FAT3: variants seen among roughly 807,000 people sequenced by gnomAD.
The protein encoded by FAT3 is FAT atypical cadherin 3.
In FAT3, 95 loss-of-function variants were observed where a neutral mutation model predicts 310.2. That is an observed-to-expected ratio of 0.31 (90% CI 0.26 to 0.36). FAT3 has a LOEUF of 0.36. FAT3 is among the 10% of genes least tolerant of loss of function. The pLI is 1.00. For synonymous variants in FAT3, 2,314 were observed against 2,192.9 expected, an observed-to-expected ratio of 1.06 and a Z score of -1.54; for missense variants, 5,408 against 5,715.6, an observed-to-expected ratio of 0.95 and a Z score of 1.74.
At chr11:92,687,162 T>A (rs776889947) in intron 3 of FAT3, among the ~76,000 whole-genome samples, 1 of 152,196 alleles carries the variant, frequency 6.6e-6, no homozygotes, top group Non-Finnish European at 1.5e-5. Context: ...GTAGATACTG[T>A]GCCTGCTTTT....
intron 1 of FAT3, among the ~76,000 whole-genome samples, chr11:92,312,423 A>C (rs1947331436): frequency 6.6e-6 from 1 of 152,166 alleles, no homozygotes; most frequent in Admixed American, 6.5e-5. Context: ...ATTAAGGAAA[A>C]TGGGGCTTCT....
intron 2 of FAT3, among the ~76,000 whole-genome samples, chr11:92,467,116 A>G (rs1311306202): frequency 6.6e-6 from 1 of 152,100 alleles, no homozygotes; most frequent in African/African-American, 2.4e-5. Context: ...TGGCTGGGTC[A>G]AATGGTATTT....
intron 4 of FAT3, among the ~76,000 whole-genome samples, chr11:92,751,165 C>A (rs1945818308): frequency 6.6e-6 from 1 of 152,180 alleles, no homozygotes; most frequent in Admixed American, 6.5e-5. Context: ...GTGGGGCAAG[C>A]ATTTAGATGA....
intron 2 of FAT3, among the ~76,000 whole-genome samples, chr11:92,407,859 A>G (rs1490959726): frequency 1.3e-5 from 2 of 152,116 alleles, no homozygotes; most frequent in African/African-American, 4.8e-5. Flanking sequence ...ATTCATATGG[A>G]TGTCACTAAT....
At chr11:92,824,411 C>G (rs1948051454) in intron 13 of FAT3, among the ~76,000 whole-genome samples, 1 of 152,066 alleles carries the variant, frequency 6.6e-6, no homozygotes, top group Admixed American at 6.5e-5. Flanking sequence ...CTTTAAATAA[C>G]TTTATAATGA....
At chr11:92,872,919 T>C (rs1184450139) in intron 22 of FAT3, among the ~76,000 whole-genome samples, 1 of 152,196 alleles carries the variant, frequency 6.6e-6, no homozygotes, top group Non-Finnish European at 1.5e-5. Flanking sequence ...TCTCACATGA[T>C]AACCTATCCA....
At position 92,733,448 on chromosome 11, in the gene FAT3, C is replaced by T. The variant is rs536899545; in HGVS notation, c.3670-28408C>T. 2.6e-5 allele frequency among the ~76,000 whole-genome samples: 4 copies of T among 151,932 alleles called. No individual in the cohort carries two copies. In the South Asian group the frequency reaches 8.3e-4, roughly 32 times the overall value. On this transcript the variant is annotated intron_variant, in intron 4 of 27. Coordinates refer to ENST00000525166, the MANE Select transcript of FAT3 (RefSeq NM_001367949.2). ...GTTTTAGCACCATGTGTACAATGTC[C>T]TAGATGAGGAAAAGACTTGAGGCTT...
intron 2 of FAT3, among the ~76,000 whole-genome samples, chr11:92,506,402 C>A (rs776830855): frequency 6.6e-6 from 1 of 152,108 alleles, no homozygotes; most frequent in Non-Finnish European, 1.5e-5. Flanking sequence ...GGAATACCTC[C>A]ACAATACCAT....
At chr11:92,567,421 C>G (rs1266222345) in intron 3 of FAT3, among the ~76,000 whole-genome samples, 1 of 149,506 alleles carries the variant, frequency 6.7e-6, no homozygotes, top group Non-Finnish European at 1.5e-5. Flanking sequence ...AATAGGAACA[C>G]TTTTACACTG....
intron 11 of FAT3, 94 bp from the exon 12 acceptor site, chr11:92,806,268 A>G: frequency 8.8e-7 from 1 of 1,136,510 alleles, no homozygotes; most frequent in Non-Finnish European, 1.2e-6. Context: ...AAATTATATA[A>G]ATGAATTTTT....
intron 1 of FAT3, among the ~76,000 whole-genome samples, chr11:92,286,780 G>A (rs564447227): frequency 1.3e-5 from 2 of 152,292 alleles, no homozygotes; most frequent in South Asian, 4.1e-4. Context: ...AGAGAAAAGC[G>A]ACTCCTGGTA....
In FAT3 at chr11:92,354,272, A is replaced by T. The variant is rs567803449; in HGVS notation, c.2160A>T (p.Arg720Ser). ...DGFLDFYSIN[R>S]QGPYFDKSFP... ...TTCTTGACTTTTATTCAATTAATAG[A>T]CAGGGACCATATTTTGACAAGTCTT... Residue 720 changes from arginine (R) to serine (S), a missense_variant, in exon 2 of 28, where the codon AGA becomes AGT. Physicochemically the swap from Arg to Ser is moderately radical, Grantham distance 110. Around this residue, in one of 5 missense-constraint regions of FAT3, gnomAD observed 4,588 missense variants for 4,809.8 expected, o/e 0.95. Transcript: ENST00000525166. The T allele has an allele frequency of 8.1e-6, 13 of 1,613,742 alleles. No homozygotes were observed. The highest frequency in any genetic ancestry group is 4.5e-5 in the East Asian group (2 of 44,872).
In FAT3 at chr11:92,462,372, T is replaced by G. The variant is rs575107470; in HGVS notation, c.3293-62262T>G. On this transcript the variant is annotated intron_variant, in intron 2 of 27. Coordinates refer to ENST00000525166, the MANE Select transcript of FAT3 (RefSeq NM_001367949.2). ...GGTATCTATCGTTCCCTTCTCTGTG[T>G]CCATGTGTACTCGCTGTTTTGCTCC... 5.3e-5 allele frequency among the ~76,000 whole-genome samples: 8 copies of G among 152,272 alleles called. No homozygotes were observed. In the East Asian group the frequency reaches 1.5e-3, roughly 29 times the overall value.
intron 2 of FAT3, among the ~76,000 whole-genome samples, chr11:92,506,796 A>G (rs1479456537): frequency 1.3e-5 from 2 of 152,192 alleles, no homozygotes; most frequent in African/African-American, 4.8e-5. Context: ...AATTTGTTCT[A>G]AAACTAACAT....
chr11:92,696,120 CCA>C (rs202120449), intron 3 of FAT3, among the ~76,000 whole-genome samples: 20 of 114,562 alleles, frequency 1.7e-4, no homozygotes, highest in African/African-American at 5.3e-4. Flanking sequence ...TATATATATA[CCA>C]TGTGTATATA....
chr11:92,666,662 G>A (rs1942964777), intron 3 of FAT3, among the ~76,000 whole-genome samples: 1 of 151,966 alleles, frequency 6.6e-6, no homozygotes, highest in Non-Finnish European at 1.5e-5. Flanking sequence ...GCCCAGCATT[G>A]AAGGACATTT....
chr11:92,530,294 T>C (rs1023745709), intron 3 of FAT3, among the ~76,000 whole-genome samples: 6 of 152,092 alleles, frequency 3.9e-5, no homozygotes, highest in Non-Finnish European at 8.8e-5. Context: ...AACAAGTTTC[T>C]AGGTGATGAT....
At chr11:92,366,898 G>A in intron 2 of FAT3, 1 of 533,490 alleles carries the variant, frequency 1.9e-6, no homozygotes. Flanking sequence ...GGACATCACA[G>A]GTGCACCTCC....
chr11:92,564,711 T>G lies in FAT3; in HGVS notation c.3607+39763T>G, dbSNP rs1215239323. Among the ~76,000 whole-genome samples, 5 of 151,584 alleles carry G rather than the reference T, an allele frequency of 3.3e-5. No individual in the cohort carries two copies. The South Asian group carries it at 1.1e-3, about 32-fold the overall frequency. ...CTCTCAGACCACAGTGCAATCAAAC[T>G]AGAACTCAGGATTAAGGAACTCACT... On this transcript the variant is annotated intron_variant, in intron 3 of 27. Transcript: ENST00000525166.
Sources: gnomAD v4.1 joint callset for allele counts (sites outside exome capture counted in the v4.1 genomes callset) on GRCh38, gnomAD v4.1.1 for gene constraint, gnomAD v4.1.1 regional missense constraint, MANE v1.5 for transcripts, NCBI Gene and HGNC (gene_info 2026-07-23, HGNC 2026-07-21) for gene names.